Variants in FANCM observed in about 807,000 individuals in gnomAD.
FANCM encodes the protein Fanconi anemia group M protein.
A neutral mutation model predicts 199.5 loss-of-function variants in FANCM; 140 were observed. The ratio of observed to expected loss-of-function variants is 0.70; its 90% CI spans 0.61 to 0.81. The LOEUF is 0.81. FANCM is among the 30% of genes least tolerant of loss of function. FANCM has a pLI of 0.00. For missense variants in FANCM, 2,410 were observed against 2,421.4 expected (o/e 1.00, Z 0.10); for synonymous variants, 840 against 836.8 (o/e 1.00, Z -0.07).
At position 45,171,294 on chromosome 14, in the gene FANCM, AATTATGCTTTC is replaced by A. The variant is rs1248306436; in HGVS notation, c.2160+551_2160+561del. 2.6e-5 allele frequency among the ~76,000 whole-genome samples: 4 copies of A among 152,148 alleles called. No homozygotes were observed. In the East Asian group the frequency reaches 7.7e-4, roughly 29 times the overall value. Reference sequence around the variant, plus strand: ...GCTTTTTCAGTATTTTACTAACATAAATTATGCTTTCATAAGCATCCTTGTAAACCATTTTT... The same window carrying A: ...GCTTTTTCAGTATTTTACTAACATAAATAAGCATCCTTGTAAACCATTTTT... On this transcript the variant is annotated intron_variant, in intron 12 of 22. Transcript: ENST00000267430.
chr14:45,156,916 C>CAAA lies in FANCM; in HGVS notation c.1396+1477_1396+1479dup, dbSNP rs535786477. Reference sequence around the variant, plus strand: ...CTGGCAAAAGAGTGAGACTCTGTCTCAAAAAAAAAAAAAAAAAAAAAAGGA... The same window carrying CAAA: ...CTGGCAAAAGAGTGAGACTCTGTCTCAAAAAAAAAAAAAAAAAAAAAAAAAGGA... On this transcript the variant is annotated intron_variant, in intron 8 of 22. Coordinates refer to ENST00000267430, the MANE Select transcript of FANCM (RefSeq NM_020937.4). 2.4e-3 allele frequency among the ~76,000 whole-genome samples: 114 copies of CAAA among 47,448 alleles called. 2 individuals carry two copies. The highest frequency in any genetic ancestry group is 7.3e-3 in the African/African-American group (103 of 14,108). The allele number at this position is 47,448 out of a possible 152,430, so 31.1% of individuals were successfully genotyped here.
intron 14 of FANCM, among the ~76,000 whole-genome samples, chr14:45,179,549 T>TTTTC (rs1338168882): frequency 5.6e-5 from 8 of 143,152 alleles, no homozygotes; most frequent in Non-Finnish European, 7.5e-5. Context: ...AGGTACATCA[T>TTTTC]TTTCTTTCTT....
intron 2 of FANCM, among the ~76,000 whole-genome samples, chr14:45,138,170 GTAGA>G (rs1041642339): frequency 6.6e-6 from 1 of 152,122 alleles, no homozygotes; most frequent in Non-Finnish European, 1.5e-5. Flanking sequence ...GAGTTCTGAG[GTAGA>G]TAGAGATACA....
chr14:45,171,875 A>C (rs1414501647), intron 12 of FANCM, among the ~76,000 whole-genome samples: 1 of 152,152 alleles, frequency 6.6e-6, no homozygotes, highest in Non-Finnish European at 1.5e-5. Flanking sequence ...TTAGATACCC[A>C]GTAGTGGGAC....
chr14:45,172,995 A>T, intron 12 of FANCM, 60 bp from the exon 13 acceptor site: 12 of 1,310,054 alleles, frequency 9.2e-6, no homozygotes, highest in Non-Finnish European at 1.2e-5. Context: ...TGTTTTTTAA[A>T]ATTAGTTTGT....
At chr14:45,140,939 TGA>T (rs1885876485) in intron 3 of FANCM, among the ~76,000 whole-genome samples, 1 of 152,176 alleles carries the variant, frequency 6.6e-6, no homozygotes, top group South Asian at 2.1e-4. Context: ...CTCCAGAGGC[TGA>T]GTCAGGAAGA....
chr14:45,196,220 A>C lies in FANCM; in HGVS notation c.5389A>C (p.Lys1797Gln). Residue 1797 changes from lysine (K) to glutamine (Q), a missense_variant, in exon 21 of 23, where the codon AAG becomes CAG. By Grantham distance (53) the Lys-to-Gln change is moderately conservative. Coordinates refer to ENST00000267430, the MANE Select transcript of FANCM (RefSeq NM_020937.4). ...TAGCACTTCAGGGGCATCCTGTTCC[A>C]AGTCAAGACCACATTTAGCTGGGAC... Reference protein sequence around the residue: ...DSSTSGASCSKSRPHLAGTHT... With the variant: ...DSSTSGASCSQSRPHLAGTHT... 1 of 1,614,062 alleles carries C rather than the reference A, an allele frequency of 6.2e-7. No homozygotes were observed. Among genetic ancestry groups the C allele is most frequent in the Non-Finnish European group, 8.5e-7 (1 of 1,179,956 alleles).
chr14:45,180,531 C>T (rs1251619083), intron 14 of FANCM, among the ~76,000 whole-genome samples: 1 of 152,032 alleles, frequency 6.6e-6, no homozygotes, highest in Non-Finnish European at 1.5e-5. Flanking sequence ...ACTGCCACCT[C>T]TGTCTCTTGG....
Position 45,196,209 on chromosome 14 carries a change from C to T in FANCM, c.5378C>T (p.Ala1793Val). The T allele has an allele frequency of 6.2e-7, 1 of 1,613,986 alleles. No homozygotes were observed. Among genetic ancestry groups the T allele is most frequent in the Non-Finnish European group, 8.5e-7 (1 of 1,179,878 alleles). ...TTGGAGGATTCTAGCACTTCAGGGG[C>T]ATCCTGTTCCAAGTCAAGACCACAT... ...SALEDSSTSG[A>V]SCSKSRPHLA... Residue 1793 changes from alanine to valine, a missense_variant, in exon 21 of 23, where the codon GCA becomes GTA. Transcript: ENST00000267430.
intron 9 of FANCM, among the ~76,000 whole-genome samples, chr14:45,161,489 A>C (rs1413214751): frequency 1.3e-5 from 2 of 152,090 alleles, no homozygotes; most frequent in African/African-American, 4.8e-5. Context: ...TTATATTTTA[A>C]AAGAATCAGC....
At chr14:45,150,740 GTTTTAGA>G (rs1886759849) in intron 4 of FANCM, among the ~76,000 whole-genome samples, 1 of 152,126 alleles carries the variant, frequency 6.6e-6, no homozygotes, top group Non-Finnish European at 1.5e-5. Flanking sequence ...GCATTATTGT[GTTTTAGA>G]TTCTTAAATG....
chr14:45,145,176 T>C (rs1886274166), intron 3 of FANCM, among the ~76,000 whole-genome samples: 1 of 151,452 alleles, frequency 6.6e-6, no homozygotes, highest in South Asian at 2.1e-4. Flanking sequence ...CCCTGTCCTG[T>C]TGTGGCTGAG....
intron 3 of FANCM, among the ~76,000 whole-genome samples, chr14:45,148,053 TG>T (rs1167574208): frequency 2.0e-5 from 3 of 151,900 alleles, no homozygotes; most frequent in Admixed American, 6.6e-5. Context: ...AAAAATTAGC[TG>T]GGTGTAGTGG....
In FANCM at chr14:45,176,760, G is replaced by A. The variant is rs2139252994; in HGVS notation, c.4006G>A (p.Val1336Ile). 1.9e-6 allele frequency: 3 copies of A among 1,612,360 alleles called. No homozygotes were observed. Among genetic ancestry groups the A allele is most frequent in the Non-Finnish European group, 2.5e-6 (3 of 1,179,144 alleles). The change falls in exon 14 of 23, where the codon GTT (valine) becomes ATT (isoleucine). Residue 1336 changes from valine (V) to isoleucine (I), a missense_variant. Coordinates refer to ENST00000267430, the MANE Select transcript of FANCM (RefSeq NM_020937.4). ...GTTTTCTTTACCAGTGCAAAAAAAA[G>A]TTATGAGTACACCACTCTCTAAATC... is the stretch of plus-strand genomic sequence containing the variant. Reference protein sequence around the residue: ...SQFSLPVQKKVMSTPLSKSNT... With the variant: ...SQFSLPVQKKIMSTPLSKSNT...
rs1372618066 is a variant in FANCM, at chr14:45,159,194, C to G, written c.1495C>G (p.His499Asp). The G allele has an allele frequency of 6.2e-7, 1 of 1,613,528 alleles. No homozygotes were observed. Among genetic ancestry groups the G allele is most frequent in the African/African-American group, 1.3e-5 (1 of 75,026 alleles). ...AGAAATTGCAGAAATGCTTTCACAG[C>G]ATCAGCCAATTATTAGAGTAATGAC... ...VQEIAEMLSQ[H>D]QPIIRVMTFV... The change falls in exon 9 of 23, where the codon CAT (histidine) becomes GAT (aspartate). Residue 499 changes from histidine (H) to aspartate (D), a missense_variant. Physicochemically the swap from His to Asp is moderately conservative, Grantham distance 81 (BLOSUM62 -1). Coordinates refer to ENST00000267430, the MANE Select transcript of FANCM (RefSeq NM_020937.4).
chr14:45,195,663 G>T (rs1017429762), intron 20 of FANCM: 2 of 406,922 alleles, frequency 4.9e-6, no homozygotes, highest in Non-Finnish European at 9.9e-6. Flanking sequence ...TTACTTTCTG[G>T]TCAGACCAGT....
chr14:45,191,205 G>C (rs746654842), intron 20 of FANCM, among the ~76,000 whole-genome samples: 3 of 152,092 alleles, frequency 2.0e-5, no homozygotes, highest in Non-Finnish European at 2.9e-5. Context: ...AATTTCCCAG[G>C]GAAAGACTTA....
intron 13 of FANCM, among the ~76,000 whole-genome samples, chr14:45,174,137 C>T (rs535952592): frequency 5.2e-4 from 79 of 151,376 alleles, no homozygotes; most frequent in African/African-American, 1.6e-3. Context: ...CCTGTAATCT[C>T]AGGCTTTGGG....
chr14:45,162,088 A>G (rs1887647620), intron 9 of FANCM, among the ~76,000 whole-genome samples: 1 of 152,136 alleles, frequency 6.6e-6, no homozygotes, highest in Non-Finnish European at 1.5e-5. Flanking sequence ...ACTAAGATGG[A>G]TAAGACTGCA....
Sources: allele counts gnomAD v4.1 joint callset (sites outside exome capture counted in the v4.1 genomes callset), GRCh38; gene constraint gnomAD v4.1.1; transcripts MANE v1.5; gene names NCBI Gene and HGNC (gene_info 2026-07-23, HGNC 2026-07-21).